ACOT11: variants seen among roughly 807,000 people sequenced by gnomAD.
The protein encoded by ACOT11 is acyl-coenzyme A thioesterase 11.
ACOT11 carries 69 observed loss-of-function variants against 77.5 expected under a neutral mutation model. The ratio of observed to expected loss-of-function variants is 0.89; its 90% CI spans 0.73 to 1.09. The LOEUF is 1.09. Among genes scored for constraint, ACOT11 ranks in the 50% least tolerant of loss-of-function variants. The probability of loss-of-function intolerance (pLI) is 0.00; values close to 1 mark genes in which losing one functional copy is unlikely to be tolerated. For missense variants in ACOT11, 766 were observed against 813.7 expected, an observed-to-expected ratio of 0.94 and a Z score of 0.71; for synonymous variants, 279 against 313.0, an observed-to-expected ratio of 0.89 and a Z score of 1.15.
chr1:54,590,881 A>T (rs1339739643), intron 3 of ACOT11, among the ~76,000 whole-genome samples: 1 of 152,148 alleles, frequency 6.6e-6, no homozygotes, highest in Non-Finnish European at 1.5e-5. Context: ...CAGCCTCCCA[A>T]GTAGCTGGAA....
intron 1 of ACOT11, chr1:54,573,265 T>C (rs1458719551): frequency 2.0e-6 from 2 of 984,442 alleles, no homozygotes; most frequent in Non-Finnish European, 2.4e-6. Flanking sequence ...GCTTTTGCGG[T>C]AAGCAGACTT....
At chr1:54,604,934 C>A in intron 12 of ACOT11, 142 bp from the exon 13 acceptor site, 1 of 871,646 alleles carries the variant, frequency 1.1e-6, no homozygotes, top group Non-Finnish European at 1.8e-6. Flanking sequence ...GGGGATGCAG[C>A]TGAGACTCAG....
chr1:54,612,404 CCCTT>C, downstream of ACOT11: 1 of 1,018,110 alleles, frequency 9.8e-7, no homozygotes, highest in Non-Finnish European at 1.5e-6. Context: ...ACCTTTAAGA[CCCTT>C]CCAGCCATGA....
intron 9 of ACOT11, 112 bp downstream of exon 9, chr1:54,601,525 C>T (rs1354270956): frequency 6.8e-7 from 1 of 1,462,074 alleles, no homozygotes; most frequent in Admixed American, 2.2e-5. Context: ...AGGGGCCCAC[C>T]CTACCCCCGT....
chr1:54,636,933 T>A (rs959836031), exon 17 of ACOT11: 1 of 159,406 alleles, frequency 6.3e-6, no homozygotes, highest in African/African-American at 2.4e-5. Flanking sequence ...TAACCCTGAG[T>A]TGACACAGCA....
At chr1:54,606,417 G>T (rs1368639365) in intron 13 of ACOT11, among the ~76,000 whole-genome samples, 1 of 152,196 alleles carries the variant, frequency 6.6e-6, no homozygotes, top group Admixed American at 6.5e-5. Context: ...AGGAGGAGGT[G>T]GGTCTGGACA....
In ACOT11 at chr1:54,587,148, C is replaced by T. The variant is rs1274607313; in HGVS notation, c.311+1244C>T. On this transcript the variant is annotated intron_variant, in intron 3 of 15. Coordinates refer to ENST00000343744, the MANE Select transcript of ACOT11 (RefSeq NM_147161.4). ...AAGTCCACTGGAGCACAGCCTCTTC[C>T]GCGGACCTCCCAGTCTTCAGGGGAG... 3.9e-5 allele frequency among the ~76,000 whole-genome samples: 6 copies of T among 152,174 alleles called. No individual in the cohort carries two copies. The East Asian group carries it at 7.7e-4, about 20-fold the overall frequency.
downstream of ACOT11, among the ~76,000 whole-genome samples, chr1:54,615,214 C>T (rs1425585604): frequency 6.6e-6 from 1 of 152,100 alleles, no homozygotes; most frequent in Non-Finnish European, 1.5e-5. Flanking sequence ...TCCTAAACCA[C>T]CAGAGCCTGT....
At chr1:54,634,401 G>A (rs1644318960) in intron 16 of ACOT11, among the ~76,000 whole-genome samples, 1 of 152,226 alleles carries the variant, frequency 6.6e-6, no homozygotes, top group East Asian at 1.9e-4. Flanking sequence ...AAAAAGCGGA[G>A]CTTGTAGCGG....
At chr1:54,589,507 G>A (rs1435009989) in intron 3 of ACOT11, among the ~76,000 whole-genome samples, 1 of 151,976 alleles carries the variant, frequency 6.6e-6, no homozygotes, top group African/African-American at 2.4e-5. Context: ...GTCTTGCTCT[G>A]TTGCCCAGGC....
intron 1 of ACOT11, among the ~76,000 whole-genome samples, chr1:54,580,458 G>A (rs1456493720): frequency 6.6e-6 from 1 of 152,216 alleles, no homozygotes; most frequent in Non-Finnish European, 1.5e-5. Flanking sequence ...ATCCAGGTAT[G>A]TAGAGCATTT....
At chr1:54,589,407 C>T (rs530755863) in intron 3 of ACOT11, among the ~76,000 whole-genome samples, 20 of 148,952 alleles carry the variant, frequency 1.3e-4, no homozygotes, top group African/African-American at 4.7e-4. Context: ...TTTTCACTAA[C>T]GTCACTAGTC....
chr1:54,554,952 TTTTGTTTG>T (rs149828291), intron 1 of ACOT11, among the ~76,000 whole-genome samples: 8 of 151,924 alleles, frequency 5.3e-5, no homozygotes, highest in Non-Finnish European at 1.2e-4. Context: ...TGTCTTCTGG[TTTTGTTTG>T]TTTGTTTGTT....
intron 1 of ACOT11, among the ~76,000 whole-genome samples, chr1:54,567,188 G>C (rs1653762796): frequency 1.3e-5 from 2 of 151,746 alleles, no homozygotes; most frequent in African/African-American, 4.9e-5. Context: ...TTTCTACACT[G>C]ATCTCCCCAA....
intron 1 of ACOT11, among the ~76,000 whole-genome samples, chr1:54,555,438 C>T (rs887597456): frequency 1.3e-5 from 2 of 151,078 alleles, no homozygotes; most frequent in African/African-American, 4.9e-5. Flanking sequence ...ATTTTTTTTT[C>T]TATTGAGTTG....
chr1:54,633,890 C>T (rs1024234225), intron 16 of ACOT11, among the ~76,000 whole-genome samples: 1 of 152,188 alleles, frequency 6.6e-6, no homozygotes, highest in Admixed American at 6.5e-5. Context: ...CCATAAAGCT[C>T]AGATAAATAG....
chr1:54,615,395 C>T (rs1320627327), intron 15 of ACOT11, among the ~76,000 whole-genome samples: 1 of 152,016 alleles, frequency 6.6e-6, no homozygotes, highest in Non-Finnish European at 1.5e-5. Flanking sequence ...TGGGGAGCCA[C>T]GGAGGGTTAA....
intron 1 of ACOT11, among the ~76,000 whole-genome samples, chr1:54,580,804 C>A (rs1282229996): frequency 6.6e-6 from 1 of 152,228 alleles, no homozygotes; most frequent in African/African-American, 2.4e-5. Context: ...CAGGGGCATT[C>A]TAACTCTCCC....
At chr1:54,617,154 CA>C (rs1231866245) in intron 15 of ACOT11, among the ~76,000 whole-genome samples, 12 of 152,200 alleles carry the variant, frequency 7.9e-5, no homozygotes, top group Non-Finnish European at 8.8e-5. Flanking sequence ...ATCAGGTGGA[CA>C]TCTTCTGATT....
Sources: gnomAD v4.1 joint callset for allele counts (sites outside exome capture counted in the v4.1 genomes callset) on GRCh38, gnomAD v4.1.1 for gene constraint, MANE v1.5 for transcripts, NCBI Gene and HGNC (gene_info 2026-07-23, HGNC 2026-07-21) for gene names.